Variants in CRACD observed in about 807,000 individuals in gnomAD.
CRACD encodes capping protein-inhibiting regulator of actin dynamics.
In CRACD, 56 loss-of-function variants were observed where a neutral mutation model predicts 106.8. That is an observed-to-expected ratio of 0.52 (90% CI 0.42 to 0.66). CRACD has a LOEUF of 0.66. Among genes scored for constraint, CRACD ranks in the 30% least tolerant of loss-of-function variants. The probability of loss-of-function intolerance (pLI) is 0.00; values close to 1 mark genes in which losing one functional copy is unlikely to be tolerated. For missense variants in CRACD, 1,730 were observed against 1,623.2 expected, an observed-to-expected ratio of 1.07 and a Z score of -1.13; for synonymous variants, 754 against 670.8, an observed-to-expected ratio of 1.12 and a Z score of -1.92.
chr4:56,206,606 A>G (rs1560483685), intron 2 of CRACD, among the ~76,000 whole-genome samples: 1 of 152,118 alleles, frequency 6.6e-6, no homozygotes, highest in Non-Finnish European at 1.5e-5. Context: ...TTTTGGACCT[A>G]TTTGCTTCCT....
chr4:56,308,293 ACATTCCAGCACCATCCTGT>A (rs774111653), intron 5 of CRACD, among the ~76,000 whole-genome samples: 3 of 61,570 alleles, frequency 4.9e-5, no homozygotes, highest in Non-Finnish European at 9.6e-5. Context: ...AAAGAAAGTC[ACATTCCAGCACCATCCTGT>A]CTAAATTTGA....
rs1733000257 is a variant in CRACD at position 56,080,912 on chromosome 4, T to C, written c.-336+31613T>C. ...AATGCCTTTCTCCCTAAAAACAAAA[T>C]TCTAAGTGGTTTCTCAAGCTACATC... On this transcript the variant is annotated intron_variant, in intron 1 of 10. Transcript: ENST00000682029. Among the ~76,000 whole-genome samples, 4 of 152,234 alleles carry C rather than the reference T, an allele frequency of 2.6e-5. No homozygotes were observed. The South Asian group carries it at 8.3e-4, about 31-fold the overall frequency.
intron 3 of CRACD, among the ~76,000 whole-genome samples, chr4:56,273,764 G>T (rs1742507408): frequency 6.6e-6 from 1 of 152,160 alleles, no homozygotes; most frequent in African/African-American, 2.4e-5. Context: ...TGAAGTCAGG[G>T]ACTAGGTTTC....
At chr4:56,189,537 A>G (rs1303466778) in intron 2 of CRACD, among the ~76,000 whole-genome samples, 2 of 126,154 alleles carry the variant, frequency 1.6e-5, no homozygotes, top group Non-Finnish European at 3.4e-5. Context: ...TCCTAATGCT[A>G]TCCCTCCCCC....
In CRACD at chr4:56,216,985, T is replaced by C. The variant is rs1357020692; in HGVS notation, c.-189+37555T>C. Reference sequence around the variant, plus strand: ...CTGGGCGACAGAGCGAGACTCCGTCTCAAAAAAAAAAAAAAAAGAAAAAAA... The same window carrying C: ...CTGGGCGACAGAGCGAGACTCCGTCCCAAAAAAAAAAAAAAAAGAAAAAAA... On this transcript the variant is annotated intron_variant, in intron 2 of 10. Transcript: ENST00000682029. 2.8e-3 allele frequency among the ~76,000 whole-genome samples: 187 copies of C among 67,282 alleles called. 1 individual carries two copies. The highest frequency in any genetic ancestry group is 9.4e-3 in the African/African-American group (182 of 19,280). 44.1% of individuals were successfully genotyped at this position (67,282 alleles called of 152,430 possible).
chr4:56,073,838 C>G (rs1038532250), intron 1 of CRACD, among the ~76,000 whole-genome samples: 1 of 152,068 alleles, frequency 6.6e-6, no homozygotes. Flanking sequence ...GGTTTTAGGT[C>G]TTAATGTTTA....
intron 1 of CRACD, among the ~76,000 whole-genome samples, chr4:56,152,718 T>A: frequency 6.6e-6 from 1 of 151,676 alleles, no homozygotes; most frequent in Non-Finnish European, 1.5e-5. Flanking sequence ...TAAAATAAAG[T>A]GAAGTATTTT....
At chr4:56,225,923 G>A (rs1171968789) in intron 2 of CRACD, among the ~76,000 whole-genome samples, 1 of 152,210 alleles carries the variant, frequency 6.6e-6, no homozygotes, top group Non-Finnish European at 1.5e-5. Context: ...AGCTGTTGCT[G>A]TAAGGCAGAA....
At chr4:56,281,409 G>A (rs1225267829) in intron 3 of CRACD, among the ~76,000 whole-genome samples, 2 of 152,094 alleles carry the variant, frequency 1.3e-5, no homozygotes, top group African/African-American at 4.8e-5. Context: ...AAAGGTTGGG[G>A]ACTGCTGAGG....
chr4:56,326,498 A>G (rs1238375687), intron 10 of CRACD, among the ~76,000 whole-genome samples: 1 of 152,230 alleles, frequency 6.6e-6, no homozygotes, highest in Non-Finnish European at 1.5e-5. Context: ...TTTGTTCTGA[A>G]GTATTTGTCT....
intron 1 of CRACD, among the ~76,000 whole-genome samples, chr4:56,142,091 CCA>C (rs895496294): frequency 6.6e-6 from 1 of 152,150 alleles, no homozygotes; most frequent in African/African-American, 2.4e-5. Flanking sequence ...AATTAAAAAA[CCA>C]CACAGTTTCT....
At chr4:56,276,219 T>A (rs1742665595) in intron 3 of CRACD, among the ~76,000 whole-genome samples, 1 of 152,178 alleles carries the variant, frequency 6.6e-6, no homozygotes, top group Admixed American at 6.5e-5. Flanking sequence ...ACACAACTAA[T>A]ATTATGTTCC....
chr4:56,313,769 T>G (rs1745310220), intron 7 of CRACD, among the ~76,000 whole-genome samples: 2 of 152,034 alleles, frequency 1.3e-5, no homozygotes, highest in Non-Finnish European at 1.5e-5. Context: ...CCTCGTTTGT[T>G]CATATTAAGG....
chr4:56,244,698 A>G (rs1177813914), intron 2 of CRACD, among the ~76,000 whole-genome samples: 1 of 152,202 alleles, frequency 6.6e-6, no homozygotes, highest in Non-Finnish European at 1.5e-5. Context: ...ACCACCCTAC[A>G]GTCCATGATG....
chr4:56,049,516 C>T (rs919865293), intron 1 of CRACD, among the ~76,000 whole-genome samples: 2 of 152,134 alleles, frequency 1.3e-5, no homozygotes, highest in Non-Finnish European at 2.9e-5. Context: ...CTGCGCGCGG[C>T]TTGCGCGCTT....
chr4:56,323,311 G>A, intron 8 of CRACD, 66 bp from the exon 9 acceptor site: 1 of 1,391,568 alleles, frequency 7.2e-7, no homozygotes, highest in Non-Finnish European at 9.9e-7. Flanking sequence ...GTTTTAGGGG[G>A]TGAGGAACTG....
At chr4:56,302,486 G>C (rs1744424589) in intron 4 of CRACD, among the ~76,000 whole-genome samples, 1 of 152,142 alleles carries the variant, frequency 6.6e-6, no homozygotes, top group South Asian at 2.1e-4. Context: ...GCCATCCTGA[G>C]TGGCTTGTAT....
chr4:56,200,139 C>T (rs1485677178), intron 2 of CRACD, among the ~76,000 whole-genome samples: 1 of 150,800 alleles, frequency 6.6e-6, no homozygotes, highest in East Asian at 1.9e-4. Context: ...GTAAGTTCTC[C>T]CTTTCTTTGT....
At chr4:56,276,962 C>G (rs1224070939) in intron 3 of CRACD, among the ~76,000 whole-genome samples, 1 of 152,186 alleles carries the variant, frequency 6.6e-6, no homozygotes, top group Non-Finnish European at 1.5e-5. Context: ...CTCACTTGGA[C>G]TGGAACAGTC....
Sources: allele counts gnomAD v4.1 joint callset (sites outside exome capture counted in the v4.1 genomes callset), GRCh38; gene constraint gnomAD v4.1.1; transcripts MANE v1.5; gene names NCBI Gene and HGNC (gene_info 2026-07-23, HGNC 2026-07-21).